GRM8: variants seen among roughly 807,000 people sequenced by gnomAD.
GRM8 encodes metabotropic glutamate receptor 8.
Under a neutral mutation model 87.2 loss-of-function variants are expected in GRM8, and 47 were observed. That is an observed-to-expected ratio of 0.54 (90% confidence interval 0.43 to 0.69). GRM8 has a LOEUF of 0.69. Ranked by LOEUF, GRM8 falls within the 30% of genes least tolerant of loss-of-function variation. GRM8 has a pLI of 0.00. For missense variants in GRM8, 1,019 were observed against 1,139.2 expected (o/e 0.89, Z 1.52); for synonymous variants, 396 against 404.5 (o/e 0.98, Z 0.25).
chr7:126,462,825 T>C (rs1433151921), intron 9 of GRM8, among the ~76,000 whole-genome samples: 1 of 151,640 alleles, frequency 6.6e-6, no homozygotes, highest in Non-Finnish European at 1.5e-5. Context: ...TTTCCTTTTA[T>C]TATTTTTACC....
intron 9 of GRM8, among the ~76,000 whole-genome samples, chr7:126,498,600 G>A (rs561563803): frequency 7.9e-5 from 12 of 151,942 alleles, no homozygotes; most frequent in Non-Finnish European, 1.5e-4. Flanking sequence ...AAAGTGGGGG[G>A]ACATGTACTG....
chr7:126,858,770 CT>C (rs1180989697), intron 6 of GRM8, among the ~76,000 whole-genome samples: 1 of 152,230 alleles, frequency 6.6e-6, no homozygotes, highest in Non-Finnish European at 1.5e-5. Flanking sequence ...AACTAACCCC[CT>C]CTGATCAACT....
chr7:126,710,450 T>A (rs1393471951), intron 7 of GRM8, among the ~76,000 whole-genome samples: 1 of 152,260 alleles, frequency 6.6e-6, no homozygotes, highest in South Asian at 2.1e-4. Context: ...GTTTATATAA[T>A]ATTCTAAATC....
chr7:127,199,419 C>T lies in GRM8; in HGVS notation c.510+43276G>A, dbSNP rs549834736. On this transcript the variant is annotated intron_variant, in intron 2 of 10. Coordinates refer to ENST00000339582, the MANE Select transcript of GRM8 (RefSeq NM_000845.3). ...AGTTTACAAATAAAAGACAAAGAAC[C>T]TTTCAGCTATTGTGACTAGTTAGTC... Among the ~76,000 whole-genome samples, 1,401 of 152,316 alleles carry T rather than the reference C, an allele frequency of 9.2e-3. 6 individuals carry two copies. The highest frequency in any genetic ancestry group is 0.015 in the Non-Finnish European group (1,038 of 68,010).
chr7:126,559,636 C>T lies in GRM8; in HGVS notation c.1495-25749G>A, dbSNP rs149527531. The stretch of plus-strand genomic sequence containing the variant: ...CTAAAACACCTTTGAGATGGCTTAA[C>T]AACTTATACTGGGAAAAAAGTGGTG... On this transcript the variant is annotated intron_variant, in intron 8 of 10. Transcript: ENST00000339582. 5.1e-3 allele frequency among the ~76,000 whole-genome samples: 780 copies of T among 152,260 alleles called. 7 individuals are homozygous for T. The highest frequency in any genetic ancestry group is 0.018 in the African/African-American group (744 of 41,528).
In GRM8 at chr7:126,903,597, C is replaced by CTATAT. The variant is rs1187082797; in HGVS notation, c.1018+374_1018+375insATATA. Among the ~76,000 whole-genome samples, 112 of 117,204 alleles carry CTATAT rather than the reference C, an allele frequency of 9.6e-4. 4 individuals carry two copies. The East Asian group carries it at 0.014, about 14-fold the overall frequency. The allele number at this position is 117,204 out of a possible 152,430, so 76.9% of individuals were successfully genotyped here. ...ACACACACACACACACACACACACA[C>CTATAT]ACACTATATACATATATACATATAT... On this transcript the variant is annotated intron_variant, in intron 5 of 10. Transcript: ENST00000339582.
intron 2 of GRM8, among the ~76,000 whole-genome samples, chr7:127,142,603 T>C (rs1370757216): frequency 2.0e-5 from 3 of 152,134 alleles, no homozygotes; most frequent in Non-Finnish European, 4.4e-5. Flanking sequence ...ATAGTAAGCA[T>C]AAGAATGTTT....
intron 9 of GRM8, among the ~76,000 whole-genome samples, chr7:126,469,886 A>G (rs560151082): frequency 6.6e-6 from 1 of 152,184 alleles, no homozygotes; most frequent in African/African-American, 2.4e-5. Context: ...GGAACTGGGA[A>G]CAGGCAGAGG....
chr7:127,014,160 G>T (rs1815167187), intron 3 of GRM8, among the ~76,000 whole-genome samples: 2 of 152,156 alleles, frequency 1.3e-5, no homozygotes, highest in South Asian at 4.1e-4. Context: ...GAATGCCTGG[G>T]GATACTGAGA....
chr7:126,700,254 A>G (rs2151392259), intron 7 of GRM8, among the ~76,000 whole-genome samples: 1 of 152,306 alleles, frequency 6.6e-6, no homozygotes. Context: ...GCTCTTTCAG[A>G]TACTGGTATC....
intron 6 of GRM8, among the ~76,000 whole-genome samples, chr7:126,863,782 A>T (rs370219): frequency 0.28 from 42,514 of 151,870 alleles, 7,773 homozygotes; most frequent in East Asian, 0.57. Flanking sequence ...GATTCATCTT[A>T]TTTTGTTAAT....
At position 127,083,917 on chromosome 7, in the gene GRM8, C is replaced by T. The variant is rs1823154735; in HGVS notation, c.727+22579G>A. Among the ~76,000 whole-genome samples, 4 of 152,166 alleles carry T rather than the reference C, an allele frequency of 2.6e-5. No homozygotes were observed. In the South Asian group the frequency reaches 8.3e-4, roughly 32 times the overall value. On this transcript the variant is annotated intron_variant, in intron 3 of 10. Transcript: ENST00000339582. ...CTCTAGACTATAAATCCCTAGGAGACAGTGCTATGTTCTGTTCATTTGGGG... is the reference window on the plus strand; with the variant it reads ...CTCTAGACTATAAATCCCTAGGAGATAGTGCTATGTTCTGTTCATTTGGGG...
intron 1 of GRM8, among the ~76,000 whole-genome samples, chr7:127,247,272 A>G (rs1798628313): frequency 6.6e-6 from 1 of 152,164 alleles, no homozygotes; most frequent in Admixed American, 6.5e-5. Flanking sequence ...ACACCCACCA[A>G]CGCATGCAGG....
intron 7 of GRM8, among the ~76,000 whole-genome samples, chr7:126,651,175 C>T (rs936830951): frequency 2.6e-5 from 4 of 152,234 alleles, no homozygotes; most frequent in African/African-American, 9.6e-5. Context: ...GCCCGGTCCA[C>T]TGTCATGGTA....
intron 9 of GRM8, among the ~76,000 whole-genome samples, chr7:126,521,012 G>A (rs954711587): frequency 5.9e-5 from 9 of 152,136 alleles, no homozygotes; most frequent in African/African-American, 2.2e-4. Context: ...GTGATAAGCT[G>A]CCTGCTGATG....
chr7:126,787,878 C>T (rs1585932281), intron 6 of GRM8, among the ~76,000 whole-genome samples: 2 of 152,084 alleles, frequency 1.3e-5, no homozygotes, highest in African/African-American at 4.8e-5. Flanking sequence ...TAGTTAATTT[C>T]ACTAATATTC....
At chr7:127,134,587 G>A (rs1490022576) in intron 2 of GRM8, among the ~76,000 whole-genome samples, 1 of 151,788 alleles carries the variant, frequency 6.6e-6, no homozygotes, top group Non-Finnish European at 1.5e-5. Context: ...TTGAATTGTA[G>A]GAAAGGCAAA....
At chr7:126,471,692 A>G (rs1267848085) in intron 9 of GRM8, among the ~76,000 whole-genome samples, 1 of 151,738 alleles carries the variant, frequency 6.6e-6, no homozygotes, top group Non-Finnish European at 1.5e-5. Flanking sequence ...TTGGTTCCAT[A>G]TGAACTTTAA....
intron 9 of GRM8, among the ~76,000 whole-genome samples, chr7:126,518,918 C>T (rs772999560): frequency 4.1e-4 from 62 of 151,978 alleles, no homozygotes; most frequent in Non-Finnish European, 8.1e-4. Flanking sequence ...TTAATCAAGT[C>T]CACAGATATG....
Sources: allele counts gnomAD v4.1 joint callset (sites outside exome capture counted in the v4.1 genomes callset), GRCh38; gene constraint gnomAD v4.1.1; transcripts MANE v1.5; gene names NCBI Gene and HGNC (gene_info 2026-07-23, HGNC 2026-07-21).